Variants in FRMD4A observed in about 807,000 individuals in gnomAD.
The protein encoded by FRMD4A is FERM domain containing 4A, also known as FERM domain-containing protein 4A.
A neutral mutation model predicts 129.1 loss-of-function variants in FRMD4A; 29 were observed. The observed-to-expected ratio is 0.22, with a 90% CI of 0.17 to 0.31. The LOEUF is 0.31. FRMD4A is among the 10% of genes least tolerant of loss of function. The pLI is 1.00. For synonymous variants in FRMD4A, 634 were observed against 571.6 expected, an observed-to-expected ratio of 1.11 and a Z score of -1.56; for missense variants, 1,272 against 1,375.8, an observed-to-expected ratio of 0.92 and a Z score of 1.19.
intron 2 of FRMD4A, among the ~76,000 whole-genome samples, chr10:14,298,329 C>T (rs1846075519): frequency 6.6e-6 from 1 of 152,162 alleles, no homozygotes; most frequent in Non-Finnish European, 1.5e-5. Flanking sequence ...GTCTAGTTTT[C>T]ATCTTCTCAG....
intron 2 of FRMD4A, chr10:14,083,657 G>C (rs1836065668): frequency 6.6e-6 from 1 of 152,212 alleles, no homozygotes; most frequent in South Asian, 2.1e-4. Context: ...GTCTCTAGTT[G>C]TCCCGGTTAT....
intron 15 of FRMD4A, chr10:13,685,196 T>A: frequency 1.0e-6 from 1 of 985,058 alleles, no homozygotes; most frequent in Non-Finnish European, 1.2e-6. Flanking sequence ...CTTAGAAATT[T>A]TAGAAATAAA....
At chr10:13,840,615 C>T (rs2093947672) in intron 3 of FRMD4A, among the ~76,000 whole-genome samples, 1 of 148,996 alleles carries the variant, frequency 6.7e-6, no homozygotes, top group Admixed American at 6.7e-5. Flanking sequence ...ATGGTGAAAC[C>T]CCGTCTCTAC....
At chr10:14,098,108 T>TA (rs1837095330) in intron 2 of FRMD4A, among the ~76,000 whole-genome samples, 24 of 145,122 alleles carry the variant, frequency 1.7e-4, no homozygotes, top group Admixed American at 1.4e-4. Flanking sequence ...AGATTATATA[T>TA]AATTTATATA....
intron 3 of FRMD4A, among the ~76,000 whole-genome samples, chr10:13,816,229 C>T (rs550173341): frequency 1.3e-5 from 2 of 152,214 alleles, no homozygotes; most frequent in African/African-American, 2.4e-5. Context: ...AAGTAAAGGC[C>T]GTGAAGAGGG....
chr10:13,844,196 C>T (rs554355519), intron 3 of FRMD4A, among the ~76,000 whole-genome samples: 47 of 151,912 alleles, frequency 3.1e-4, no homozygotes, highest in East Asian at 9.7e-4. Context: ...TATGTGTGTG[C>T]GGTTGACAGA....
chr10:13,701,237 C>T, intron 14 of FRMD4A, 103 bp downstream of exon 14: 1 of 1,050,504 alleles, frequency 9.5e-7, no homozygotes, highest in Non-Finnish European at 1.4e-6. Flanking sequence ...AAGGTATGGA[C>T]CCGGGCAAGG....
intron 12 of FRMD4A, among the ~76,000 whole-genome samples, chr10:13,709,538 A>T (rs535097212): frequency 5.8e-4 from 84 of 145,882 alleles, no homozygotes; most frequent in African/African-American, 1.8e-3. Flanking sequence ...TTTTGGATTT[A>T]AAAAAAAAAA....
intron 2 of FRMD4A, among the ~76,000 whole-genome samples, chr10:13,918,348 T>C (rs1050039965): frequency 1.1e-4 from 16 of 152,178 alleles, no homozygotes; most frequent in Admixed American, 1.0e-3. Flanking sequence ...CCAGCTCTGA[T>C]ATTATGAACA....
At chr10:13,925,566 CTTTTTTTTTTTTTTTTTTTTTTTT>C (rs66980805) in intron 2 of FRMD4A, among the ~76,000 whole-genome samples, 2 of 61,940 alleles carry the variant, frequency 3.2e-5, no homozygotes, top group Admixed American at 2.6e-4. Context: ...TAGTGAAACG[CTTTTTTTTTTTTTTTTTTTTTTTT>C]TTTTTTTTTT....
Position 13,701,325 on chromosome 10 carries a change from G to T in FRMD4A, c.975+15C>A, listed in dbSNP as rs1367847191. 1.2e-6 allele frequency: 2 copies of T among 1,609,186 alleles called. No individual in the cohort carries two copies. The highest frequency in any genetic ancestry group is 3.4e-5 in the Admixed American group (2 of 59,650). On this transcript the variant is annotated intron_variant, in intron 14 of 24. Coordinates refer to ENST00000357447, the MANE Select transcript of FRMD4A (RefSeq NM_018027.5). ...AGACAATGGCCCGGGCTTGGTGAGA[G>T]GTCTGGTCACTCACCTTACTCTGCT...
At position 13,663,450 on chromosome 10, in the gene FRMD4A, T is replaced by A; in HGVS notation, c.1660+3A>T. ...TTTGTAAGCAGGAAATGCATAAACC[T>A]ACCATCCTCAAGAACAAGGGCATCT... On this transcript the variant is annotated splice_donor_region_variant and intron_variant, in intron 19 of 24. Coordinates refer to ENST00000357447, the MANE Select transcript of FRMD4A (RefSeq NM_018027.5). 6.9e-7 allele frequency: 1 copy of A among 1,453,680 alleles called. No individual in the cohort carries two copies. Among genetic ancestry groups the A allele is most frequent in the Non-Finnish European group, 9.7e-7 (1 of 1,033,220 alleles). 90.0% of individuals were successfully genotyped at this position (1,453,680 alleles called of 1,614,324 possible).
chr10:13,902,052 T>G (rs2094825624), intron 2 of FRMD4A, among the ~76,000 whole-genome samples: 2 of 152,228 alleles, frequency 1.3e-5, no homozygotes, highest in South Asian at 4.1e-4. Flanking sequence ...GGTCTCACAC[T>G]GTCATCCAGG....
At chr10:14,100,083 T>C (rs1169934957) in intron 2 of FRMD4A, among the ~76,000 whole-genome samples, 1 of 152,236 alleles carries the variant, frequency 6.6e-6, no homozygotes, top group Non-Finnish European at 1.5e-5. Flanking sequence ...CCACTCCTTG[T>C]TTTGCAGTCA....
At chr10:13,885,191 C>G (rs900727666) in intron 2 of FRMD4A, among the ~76,000 whole-genome samples, 4 of 152,216 alleles carry the variant, frequency 2.6e-5, no homozygotes, top group African/African-American at 9.6e-5. Context: ...TCGAGACCAG[C>G]CTGGGAAACA....
At chr10:13,972,882 C>T (rs10796146) in intron 2 of FRMD4A, among the ~76,000 whole-genome samples, 80,063 of 152,058 alleles carry the variant, frequency 0.53, 21,390 homozygotes, top group Non-Finnish European at 0.57. Flanking sequence ...CATGGTAAGT[C>T]ATAAGGCATG....
chr10:13,768,834 A>G (rs1425257847), intron 6 of FRMD4A, among the ~76,000 whole-genome samples: 3 of 152,164 alleles, frequency 2.0e-5, no homozygotes, highest in Admixed American at 6.5e-5. Context: ...TTGGTGAGGC[A>G]TAAATGAAGT....
At chr10:13,872,218 G>C (rs2094446186) in intron 2 of FRMD4A, among the ~76,000 whole-genome samples, 1 of 152,222 alleles carries the variant, frequency 6.6e-6, no homozygotes, top group African/African-American at 2.4e-5. Context: ...CCTCATGCCA[G>C]GTCTCCTGTG....
chr10:14,138,594 G>A (rs1175568222), intron 2 of FRMD4A, among the ~76,000 whole-genome samples: 2 of 151,750 alleles, frequency 1.3e-5, no homozygotes, highest in Non-Finnish European at 2.9e-5. Flanking sequence ...CACCATCTCT[G>A]CTAAAAATAC....
Sources: allele counts gnomAD v4.1 joint callset (sites outside exome capture counted in the v4.1 genomes callset), GRCh38; gene constraint gnomAD v4.1.1; transcripts MANE v1.5; gene names NCBI Gene and HGNC (gene_info 2026-07-23, HGNC 2026-07-21).